Variants in PDE4B observed in about 807,000 individuals in gnomAD.
The protein encoded by PDE4B is 3',5'-cyclic-AMP phosphodiesterase 4B.
In PDE4B, 20 loss-of-function variants were observed where a neutral mutation model predicts 82.2. The ratio of observed to expected loss-of-function variants is 0.24; its 90% CI spans 0.17 to 0.35. PDE4B has a LOEUF of 0.35. Among genes scored for constraint, PDE4B ranks in the 10% least tolerant of loss-of-function variants. The pLI is 1.00. For synonymous variants in PDE4B, 320 were observed against 318.9 expected (o/e 1.00, Z -0.04); for missense variants, 655 against 907.2 (o/e 0.72, Z 3.57).
chr1:65,945,170 T>C lies in PDE4B; in HGVS notation c.281+26335T>C, dbSNP rs147303439. Among the ~76,000 whole-genome samples the C allele has an allele frequency of 3.1e-3, 477 of 152,040 alleles. 2 individuals carry two copies. The highest frequency in any genetic ancestry group is 7.6e-3 in the Admixed American group (116 of 15,228). On this transcript the variant is annotated intron_variant, in intron 3 of 16. Transcript: ENST00000341517. ...AAAGTGTATTCCTCATCCTAAAGTA[T>C]AGGGTTCCATGCTATAGAGTGTCAT...
At chr1:65,818,107 A>G (rs904686535) in intron 1 of PDE4B, among the ~76,000 whole-genome samples, 1 of 152,184 alleles carries the variant, frequency 6.6e-6, no homozygotes, top group African/African-American at 2.4e-5. Context: ...TCCCTGCTCT[A>G]ACCTCTTCCA....
intron 3 of PDE4B, among the ~76,000 whole-genome samples, chr1:66,212,431 G>T (rs6697671): frequency 0.032 from 4,889 of 151,910 alleles, 130 homozygotes; most frequent in Middle Eastern, 0.095. Context: ...CAATATCCAC[G>T]TGAAAACTCC....
chr1:66,115,926 C>G (rs1156918352), intron 3 of PDE4B, among the ~76,000 whole-genome samples: 1 of 152,170 alleles, frequency 6.6e-6, no homozygotes, highest in East Asian at 1.9e-4. Flanking sequence ...AATCCTCCTT[C>G]TTTCTTTATA....
chr1:66,139,442 C>CT (rs1646123654), intron 3 of PDE4B, among the ~76,000 whole-genome samples: 1 of 152,014 alleles, frequency 6.6e-6, no homozygotes, highest in African/African-American at 2.4e-5. Context: ...TGCTTCAAAT[C>CT]TCCTGGGCTT....
chr1:66,061,796 A>C (rs566654380), intron 3 of PDE4B, among the ~76,000 whole-genome samples: 4 of 152,228 alleles, frequency 2.6e-5, no homozygotes, highest in Admixed American at 2.0e-4. Context: ...TAGGACAAAT[A>C]CCTAATGCAT....
At chr1:66,290,733 G>A (rs2101809944) in intron 7 of PDE4B, among the ~76,000 whole-genome samples, 1 of 152,290 alleles carries the variant, frequency 6.6e-6, no homozygotes, top group Admixed American at 6.5e-5. Flanking sequence ...TCCCTTACTA[G>A]TATGCTAGCA....
intron 3 of PDE4B, among the ~76,000 whole-genome samples, chr1:66,030,013 G>T (rs1357641636): frequency 1.4e-5 from 2 of 146,856 alleles, no homozygotes; most frequent in Non-Finnish European, 3.0e-5. Context: ...AACCTGGACT[G>T]CTTCAATGCC....
Position 65,913,304 on chromosome 1 carries a change from C to A in PDE4B, c.-11C>A. 6.2e-7 allele frequency: 1 copy of A among 1,611,352 alleles called. No individual in the cohort carries two copies. The highest frequency in any genetic ancestry group is 1.7e-4 in the Middle Eastern group (1 of 6,050). On this transcript the variant is annotated 5_prime_UTR_variant, in exon 2 of 17. Coordinates refer to ENST00000341517, the MANE Select transcript of PDE4B (RefSeq NM_002600.4). Reference sequence around the variant, plus strand: ...CAGACATCCTAAGAGGGGATATTTTCCACCTCTATAATGAAGAAAAGCAGG... The same window carrying A: ...CAGACATCCTAAGAGGGGATATTTTACACCTCTATAATGAAGAAAAGCAGG...
intron 3 of PDE4B, among the ~76,000 whole-genome samples, chr1:66,187,314 C>T (rs1007760992): frequency 6.6e-6 from 1 of 151,872 alleles, no homozygotes; most frequent in African/African-American, 2.4e-5. Flanking sequence ...TGTGTCTCTG[C>T]CAGTCTTTGG....
intron 7 of PDE4B, among the ~76,000 whole-genome samples, chr1:66,276,277 C>A (rs1272488920): frequency 6.6e-6 from 1 of 152,194 alleles, no homozygotes; most frequent in Non-Finnish European, 1.5e-5. Flanking sequence ...CCCTATTTCA[C>A]ATATTTGGAA....
intron 8 of PDE4B, chr1:66,355,222 T>C (rs542266461): frequency 3.3e-4 from 116 of 356,108 alleles, no homozygotes; most frequent in Non-Finnish European, 4.6e-4. Flanking sequence ...GACAAATGTA[T>C]TTTTAAAAGT....
At chr1:66,273,315 T>C (rs772932665) in intron 7 of PDE4B, among the ~76,000 whole-genome samples, 1 of 152,268 alleles carries the variant, frequency 6.6e-6, no homozygotes, top group African/African-American at 2.4e-5. Context: ...TTCTACCTGG[T>C]TGCCTTTTCT....
intron 1 of PDE4B, among the ~76,000 whole-genome samples, chr1:65,875,816 G>A (rs911133777): frequency 8.6e-6 from 1 of 116,846 alleles, no homozygotes; most frequent in African/African-American, 3.2e-5. Flanking sequence ...TGGGGGGAGG[G>A]GGGAGGGATA....
At chr1:65,955,475 C>T (rs1569808149) in intron 3 of PDE4B, among the ~76,000 whole-genome samples, 1 of 152,014 alleles carries the variant, frequency 6.6e-6, no homozygotes, top group East Asian at 1.9e-4. Flanking sequence ...TAGAACTCAC[C>T]GCAACAGCAT....
rs1411847183 is a variant in PDE4B at position 66,164,565 on chromosome 1, AAGAAAGAAAG to A, written c.282-82893_282-82884del. On this transcript the variant is annotated intron_variant, in intron 3 of 16. Transcript: ENST00000341517. ...AAAAAAAAAAAAAAAAAAAAAAAGA[AAGAAAGAAAG>A]AAAAAGAAAGAAAGAAAGAAAAGAC... Among the ~76,000 whole-genome samples the A allele has an allele frequency of 3.0e-4, 43 of 143,302 alleles. 1 individual carries two copies. The highest frequency in any genetic ancestry group is 1.0e-3 in the African/African-American group (41 of 39,256). 94.0% of individuals were successfully genotyped at this position (143,302 alleles called of 152,430 possible). A position where few individuals can be genotyped will look rare whatever the true frequency, so the allele number is the denominator to read the frequency against.
At chr1:66,027,429 A>T (rs1186368843) in intron 3 of PDE4B, among the ~76,000 whole-genome samples, 1 of 152,146 alleles carries the variant, frequency 6.6e-6, no homozygotes, top group East Asian at 1.9e-4. Context: ...TCAAATTGAG[A>T]TTTGGATTCA....
chr1:66,188,818 C>T (rs1298384471), intron 3 of PDE4B, among the ~76,000 whole-genome samples: 1 of 152,018 alleles, frequency 6.6e-6, no homozygotes, highest in African/African-American at 2.4e-5. Flanking sequence ...TTAATTGGAG[C>T]ATTTAGTCCA....
In PDE4B at chr1:66,321,973, A is replaced by AGTG. The variant is rs1659436667; in HGVS notation, c.635-10534_635-10533insTGG. 8.5e-5 allele frequency among the ~76,000 whole-genome samples: 13 copies of AGTG among 152,358 alleles called. No homozygotes were observed. In the South Asian group the frequency reaches 2.7e-3, roughly 32 times the overall value. Reference sequence around the variant, plus strand: ...CAACATGGTACTGGTACCAGAACGCAGATATAGACCACTGGAACAGAACAG... The same window carrying AGTG: ...CAACATGGTACTGGTACCAGAACGCAGTGGATATAGACCACTGGAACAGAACAG... On this transcript the variant is annotated intron_variant, in intron 7 of 16. Transcript: ENST00000341517.
At chr1:66,124,763 C>T (rs1645785055) in intron 3 of PDE4B, among the ~76,000 whole-genome samples, 1 of 152,136 alleles carries the variant, frequency 6.6e-6, no homozygotes, top group Non-Finnish European at 1.5e-5. Flanking sequence ...TAATTCCTGG[C>T]TCAAGCCACT....
Sources: allele counts gnomAD v4.1 joint callset (sites outside exome capture counted in the v4.1 genomes callset), GRCh38; gene constraint gnomAD v4.1.1; transcripts MANE v1.5; gene names NCBI Gene and HGNC (gene_info 2026-07-23, HGNC 2026-07-21).